Variants in MALRD1 observed in about 807,000 individuals in gnomAD.
The protein encoded by MALRD1 is MAM and LDL receptor class A domain containing 1, also known as MAM and LDL-receptor class A domain-containing protein 1.
Under a neutral mutation model 242.1 loss-of-function variants are expected in MALRD1, and 247 were observed. The ratio of observed to expected loss-of-function variants is 1.02; its 90% CI spans 0.92 to 1.13. The LOEUF (loss-of-function observed/expected upper bound fraction) is 1.13. Among genes scored for constraint, MALRD1 ranks in the 50% most tolerant of loss-of-function variants. The pLI, the probability that MALRD1 is intolerant of heterozygous loss-of-function variation, is 0.00. For missense variants in MALRD1, 2,989 were observed against 2,533.1 expected (o/e 1.18, Z -3.86); for synonymous variants, 995 against 866.6 (o/e 1.15, Z -2.60).
intron 4 of MALRD1, among the ~76,000 whole-genome samples, chr10:19,097,358 C>G (rs1042387530): frequency 1.3e-5 from 2 of 152,176 alleles, no homozygotes; most frequent in African/African-American, 2.4e-5. Flanking sequence ...AAAGCCCAAC[C>G]TCTAGTTTGG....
intron 14 of MALRD1, among the ~76,000 whole-genome samples, chr10:19,186,842 T>C (rs1835756590): frequency 6.6e-6 from 1 of 152,182 alleles, no homozygotes; most frequent in African/African-American, 2.4e-5. Context: ...CCACTACTCT[T>C]GTTCATTTTG....
chr10:19,052,634 A>T (rs577797769), intron 1 of MALRD1, among the ~76,000 whole-genome samples: 1 of 152,128 alleles, frequency 6.6e-6, no homozygotes, highest in Admixed American at 6.5e-5. Flanking sequence ...GGGGCTTGAT[A>T]GAGTAGATGT....
chr10:19,113,780 A>T (rs1359582466), intron 5 of MALRD1, among the ~76,000 whole-genome samples: 1 of 142,090 alleles, frequency 7.0e-6, no homozygotes, highest in Non-Finnish European at 1.5e-5. Context: ...CCACATTGCC[A>T]CTACCACCCC....
chr10:19,249,657 T>C (rs904078181), intron 18 of MALRD1, among the ~76,000 whole-genome samples: 3 of 151,998 alleles, frequency 2.0e-5, no homozygotes, highest in Non-Finnish European at 2.9e-5. Flanking sequence ...CAAATACTTA[T>C]ATGATTCTAA....
At chr10:19,284,365 A>T (rs1483799254) in intron 21 of MALRD1, among the ~76,000 whole-genome samples, 2 of 149,054 alleles carry the variant, frequency 1.3e-5, no homozygotes, top group African/African-American at 4.9e-5. Flanking sequence ...CTCGTCATCT[A>T]GCATTAGGTA....
intron 26 of MALRD1, among the ~76,000 whole-genome samples, chr10:19,377,638 T>TG (rs1845665265): frequency 4.4e-5 from 4 of 89,998 alleles, no homozygotes; most frequent in Admixed American, 3.2e-4. Flanking sequence ...CAGTCATAAT[T>TG]ATTTTTTTTT....
intron 21 of MALRD1, among the ~76,000 whole-genome samples, chr10:19,321,561 CA>C (rs909004561): frequency 1.2e-4 from 18 of 152,228 alleles, no homozygotes; most frequent in African/African-American, 4.3e-4. Flanking sequence ...TTAACTAAAT[CA>C]TAAAGATCTA....
At chr10:19,082,186 T>C (rs1249840067) in intron 2 of MALRD1, among the ~76,000 whole-genome samples, 3 of 151,670 alleles carry the variant, frequency 2.0e-5, no homozygotes, top group Admixed American at 6.6e-5. Flanking sequence ...ATTTTTGAAT[T>C]ATTTTATTAG....
At chr10:19,269,779 G>A (rs181786698) in intron 19 of MALRD1, among the ~76,000 whole-genome samples, 1 of 152,278 alleles carries the variant, frequency 6.6e-6, no homozygotes, top group East Asian at 1.9e-4. Context: ...TCATTCTGGT[G>A]GAGTAATAAG....
At chr10:19,101,605 T>G (rs1246520585) in intron 4 of MALRD1, among the ~76,000 whole-genome samples, 2 of 134,744 alleles carry the variant, frequency 1.5e-5, no homozygotes, top group Non-Finnish European at 3.1e-5. Flanking sequence ...TACATAATTT[T>G]ATGTATATAT....
At chr10:19,699,046 T>G (rs1833500631) in intron 38 of MALRD1, among the ~76,000 whole-genome samples, 1 of 149,618 alleles carries the variant, frequency 6.7e-6, no homozygotes, top group Non-Finnish European at 1.5e-5. Context: ...TGTTGGGGGG[T>G]GAGGGACAAG....
At chr10:19,351,902 A>C in intron 25 of MALRD1, 104 bp from the exon 26 acceptor site, 1 of 1,109,622 alleles carries the variant, frequency 9.0e-7, no homozygotes. Context: ...ATTTTCCTCC[A>C]GAAATCTGTT....
Position 19,148,328 on chromosome 10 carries a change from C to T in MALRD1, c.1558+1984C>T, listed in dbSNP as rs1196342401. On this transcript the variant is annotated intron_variant, in intron 11 of 39. Transcript: ENST00000454679. ...TTCCGACACGATGTTGACACTGCAC[C>T]CATGTCTAAATATTAGGGTGCTTCA... 2.6e-5 allele frequency among the ~76,000 whole-genome samples: 4 copies of T among 151,260 alleles called. No homozygotes were observed. The East Asian group carries it at 7.8e-4, about 30-fold the overall frequency.
intron 1 of MALRD1, among the ~76,000 whole-genome samples, chr10:19,065,890 AG>A (rs1217353900): frequency 1.3e-5 from 2 of 152,146 alleles, no homozygotes; most frequent in Non-Finnish European, 2.9e-5. Context: ...TTTCCATCAG[AG>A]GGGTCTCTGT....
intron 4 of MALRD1, among the ~76,000 whole-genome samples, chr10:19,101,825 A>T (rs111208128): frequency 0.062 from 8,496 of 136,050 alleles, 412 homozygotes; most frequent in East Asian, 0.27. Flanking sequence ...TAATATATAA[A>T]TATGTTATAT....
intron 38 of MALRD1, among the ~76,000 whole-genome samples, chr10:19,719,727 T>G (rs549994085): frequency 1.3e-5 from 2 of 152,340 alleles, no homozygotes; most frequent in South Asian, 4.1e-4. Context: ...TGGTTCAGTT[T>G]GTTCCTTAAG....
At chr10:19,605,476 T>G (rs12764395) in intron 34 of MALRD1, among the ~76,000 whole-genome samples, 28 of 136,314 alleles carry the variant, frequency 2.1e-4, no homozygotes, top group Non-Finnish European at 2.9e-4. Context: ...ACCAGCTTTG[T>G]TTTTCTTTCT....
At chr10:19,121,988 G>A (rs1017284178) in intron 5 of MALRD1, among the ~76,000 whole-genome samples, 1 of 152,206 alleles carries the variant, frequency 6.6e-6, no homozygotes, top group Non-Finnish European at 1.5e-5. Flanking sequence ...AGTCATTTCA[G>A]TCTGCATGAT....
intron 28 of MALRD1, among the ~76,000 whole-genome samples, chr10:19,428,143 G>A (rs559578389): frequency 3.2e-4 from 48 of 151,824 alleles, no homozygotes; most frequent in Admixed American, 6.6e-4. Flanking sequence ...CCTTGGGGTG[G>A]GCAGGGAGGC....
Sources: gnomAD v4.1 joint callset for allele counts (sites outside exome capture counted in the v4.1 genomes callset) on GRCh38, gnomAD v4.1.1 for gene constraint, MANE v1.5 for transcripts, NCBI Gene and HGNC (gene_info 2026-07-23, HGNC 2026-07-21) for gene names.